ZFHX3: variants seen among roughly 807,000 people sequenced by gnomAD.
ZFHX3 encodes the protein zinc finger homeobox protein 3.
ZFHX3 carries 42 observed loss-of-function variants against 279.1 expected under a neutral mutation model. The observed-to-expected ratio is 0.15, with a 90% CI of 0.12 to 0.19. The LOEUF (loss-of-function observed/expected upper bound fraction) is 0.19. Among genes scored for constraint, ZFHX3 ranks in the 10% least tolerant of loss-of-function variants. ZFHX3 has a pLI of 1.00. For synonymous variants in ZFHX3, 2,293 were observed against 1,957.8 expected, an observed-to-expected ratio of 1.17 and a Z score of -4.52; for missense variants, 4,981 against 4,754.0, an observed-to-expected ratio of 1.05 and a Z score of -1.40.
intron 1 of ZFHX3, among the ~76,000 whole-genome samples, chr16:73,698,501 C>A (rs1172760599): frequency 6.6e-6 from 1 of 152,136 alleles, no homozygotes; most frequent in African/African-American, 2.4e-5. Flanking sequence ...CCAATAGTTA[C>A]CATCTTAACC....
intron 3 of ZFHX3, 92 bp downstream of exon 3, chr16:72,950,377 T>G (rs1960923388): frequency 2.3e-5 from 36 of 1,540,708 alleles, no homozygotes; most frequent in Non-Finnish European, 3.0e-5. Flanking sequence ...TGCCAGAGAC[T>G]GTCCGACTCC....
chr16:73,782,169 C>T (rs906473446), intron 1 of ZFHX3, among the ~76,000 whole-genome samples: 8 of 152,122 alleles, frequency 5.3e-5, no homozygotes, highest in Non-Finnish European at 7.3e-5. Context: ...TAACCGTACA[C>T]GGAGCTCCTG....
chr16:73,682,915 AG>A (rs1567550592), intron 1 of ZFHX3, among the ~76,000 whole-genome samples: 84 of 26,304 alleles, frequency 3.2e-3, no homozygotes, highest in South Asian at 0.011. Context: ...AGAGAAAGAA[AG>A]AGAGAAAGAG....
intron 3 of ZFHX3, among the ~76,000 whole-genome samples, chr16:72,920,813 T>C (rs938729204): frequency 6.6e-6 from 1 of 152,044 alleles, no homozygotes; most frequent in African/African-American, 2.4e-5. Context: ...CTCATGCCTG[T>C]AATCTCAGCA....
intron 2 of ZFHX3, among the ~76,000 whole-genome samples, chr16:73,538,309 A>G (rs2019943325): frequency 6.6e-6 from 1 of 152,152 alleles, no homozygotes; most frequent in South Asian, 2.1e-4. Context: ...TTTGGAAAAA[A>G]ATTTCACCAA....
chr16:73,346,817 A>T (rs1485857177), intron 3 of ZFHX3, among the ~76,000 whole-genome samples: 4 of 152,178 alleles, frequency 2.6e-5, no homozygotes, highest in African/African-American at 9.7e-5. Context: ...AGACCTAGCC[A>T]AAGAGACCTG....
In ZFHX3 at chr16:72,786,412, ATTAT is replaced by A; in HGVS notation, c.*748_*751del. ...TCAACACTCTTTGTGTGTGTGGGTTATTATTTTTTTTTTTTTTTGAAAGTGGGAG... is the reference window on the plus strand; with the variant it reads ...TCAACACTCTTTGTGTGTGTGGGTTATTTTTTTTTTTTTTGAAAGTGGGAG... On this transcript the variant is annotated 3_prime_UTR_variant, in exon 10 of 10. Transcript: ENST00000268489. 1 of 145,728 alleles carries A rather than the reference ATTAT, an allele frequency of 6.9e-6. No homozygotes were observed. The highest frequency in any genetic ancestry group is 7.0e-5 in the Admixed American group (1 of 14,258). 9.0% of individuals were successfully genotyped at this position (145,728 alleles called of 1,614,324 possible).
intron 4 of ZFHX3, among the ~76,000 whole-genome samples, chr16:72,870,851 T>G (rs1037879988): frequency 2.6e-5 from 4 of 152,218 alleles, no homozygotes; most frequent in African/African-American, 4.8e-5. Flanking sequence ...AATAGTTTTA[T>G]AGCAATGTTA....
chr16:73,162,386 C>T (rs921007776), intron 5 of ZFHX3, among the ~76,000 whole-genome samples: 3 of 152,200 alleles, frequency 2.0e-5, no homozygotes, highest in African/African-American at 7.2e-5. Context: ...CCACATGGGA[C>T]TCTTTGGCTG....
intron 1 of ZFHX3, among the ~76,000 whole-genome samples, chr16:73,844,265 A>G (rs563472138): frequency 1.3e-5 from 2 of 152,350 alleles, no homozygotes; most frequent in East Asian, 3.9e-4. Context: ...TCCAGGTCCC[A>G]GATATGATGA....
intron 4 of ZFHX3, among the ~76,000 whole-genome samples, chr16:73,275,271 T>C (rs79456012): frequency 0.05 from 7,653 of 152,240 alleles, 325 homozygotes; most frequent in East Asian, 0.19. Context: ...TTTTACATGT[T>C]AGAACAGAGG....
intron 3 of ZFHX3, chr16:73,420,274 C>T (rs1194153664): frequency 6.6e-6 from 1 of 152,180 alleles, no homozygotes; most frequent in Non-Finnish European, 1.5e-5. Context: ...TGTGTAAGTG[C>T]TATGAATGTT....
chr16:72,839,893 C>A (rs1422479702), intron 4 of ZFHX3, among the ~76,000 whole-genome samples: 1 of 152,112 alleles, frequency 6.6e-6, no homozygotes, highest in African/African-American at 2.4e-5. Context: ...TTTTAACATT[C>A]CAGGTGTGAG....
At chr16:72,926,338 C>T (rs1476991089) in intron 3 of ZFHX3, among the ~76,000 whole-genome samples, 1 of 152,182 alleles carries the variant, frequency 6.6e-6, no homozygotes, top group Admixed American at 6.5e-5. Context: ...CCCGCCCACT[C>T]GCTCCCCTTC....
chr16:73,470,316 G>A (rs2018644842), intron 2 of ZFHX3, among the ~76,000 whole-genome samples: 1 of 152,078 alleles, frequency 6.6e-6, no homozygotes, highest in East Asian at 1.9e-4. Context: ...AGAAACCCAG[G>A]CCATGTCCTA....
chr16:73,740,614 G>A (rs1567394812), intron 1 of ZFHX3, among the ~76,000 whole-genome samples: 1 of 152,132 alleles, frequency 6.6e-6, no homozygotes, highest in Non-Finnish European at 1.5e-5. Context: ...TGCTTTGAAT[G>A]CCCTACAAAA....
At chr16:73,308,275 ATATT>A (rs1437076517) in intron 4 of ZFHX3, among the ~76,000 whole-genome samples, 1,399 of 67,004 alleles carry the variant, frequency 0.021, 42 homozygotes, top group African/African-American at 0.042. Flanking sequence ...ATATATATAT[ATATT>A]TATTTATTTA....
intron 2 of ZFHX3, among the ~76,000 whole-genome samples, chr16:73,552,552 C>T (rs1433809628): frequency 6.6e-6 from 1 of 152,176 alleles, no homozygotes; most frequent in Non-Finnish European, 1.5e-5. Context: ...CACATTTACA[C>T]TCTCATTTTC....
chr16:73,427,816 G>A (rs926546228), intron 3 of ZFHX3, among the ~76,000 whole-genome samples: 2 of 151,840 alleles, frequency 1.3e-5, no homozygotes, highest in African/African-American at 2.4e-5. Context: ...GGTGGCGCAC[G>A]CCTGGAGTCC....
Sources: gnomAD v4.1 joint callset for allele counts (sites outside exome capture counted in the v4.1 genomes callset) on GRCh38, gnomAD v4.1.1 for gene constraint, MANE v1.5 for transcripts, NCBI Gene and HGNC (gene_info 2026-07-23, HGNC 2026-07-21) for gene names.